The following SPIN1 variants were observed in gnomAD, a reference collection of about 807,000 sequenced individuals.
SPIN1 encodes spindlin 1.
A neutral mutation model predicts 26.0 loss-of-function variants in SPIN1; 3 were observed. The ratio of observed to expected loss-of-function variants is 0.12; its 90% CI spans 0.05 to 0.30. The LOEUF is 0.30. SPIN1 is among the 10% of genes least tolerant of loss of function. SPIN1 has a pLI of 1.00. For missense variants in SPIN1, 126 were observed against 333.4 expected, an observed-to-expected ratio of 0.38 and a Z score of 4.84; for synonymous variants, 101 against 116.5, an observed-to-expected ratio of 0.87 and a Z score of 0.86.
At chr9:88,410,186 T>C (rs1171312231) in intron 1 of SPIN1, among the ~76,000 whole-genome samples, 10 of 139,120 alleles carry the variant, frequency 7.2e-5, no homozygotes, top group African/African-American at 3.3e-4. Flanking sequence ...TGTGTGTGTG[T>C]GTGCAACTTT....
chr9:88,475,070 T>TTTC lies in SPIN1; in HGVS notation c.590-8_590-7insTTC. The TTTC allele has an allele frequency of 7.7e-7, 1 of 1,300,686 alleles. No homozygotes were observed. Among genetic ancestry groups the TTTC allele is most frequent in the South Asian group, 1.7e-5 (1 of 60,248 alleles). The allele number at this position is 1,300,686 out of a possible 1,614,324, so 80.6% of individuals were successfully genotyped here. On this transcript the variant is annotated splice_polypyrimidine_tract_variant and splice_region_variant and intron_variant, in intron 5 of 5. Transcript: ENST00000375859. ...CTCTTTTTTTTTTTTTTTTTTTTTTTAATATAGATGATTCACCTCCAGCAG... is the reference window on the plus strand; with the variant it reads ...CTCTTTTTTTTTTTTTTTTTTTTTTTTTCAATATAGATGATTCACCTCCAGCAG...
intron 5 of SPIN1, among the ~76,000 whole-genome samples, chr9:88,471,336 A>G (rs969526439): frequency 6.6e-6 from 1 of 151,968 alleles, no homozygotes; most frequent in Non-Finnish European, 1.5e-5. Flanking sequence ...TCCAAGCACC[A>G]TATTTTGAAA....
intron 1 of SPIN1, among the ~76,000 whole-genome samples, chr9:88,395,608 T>C (rs1351583526): frequency 6.6e-6 from 1 of 152,086 alleles, no homozygotes; most frequent in Non-Finnish European, 1.5e-5. Context: ...ACATTTTCTT[T>C]TTAAAACTTT....
intron 2 of SPIN1, among the ~76,000 whole-genome samples, chr9:88,436,709 A>C (rs1190540044): frequency 7.1e-6 from 1 of 140,022 alleles, no homozygotes; most frequent in Non-Finnish European, 1.6e-5. Context: ...TTCAGATTGG[A>C]TTCGTTCACT....
Position 88,469,683 on chromosome 9 carries a change from T to TTTTG in SPIN1, c.589+1094_589+1097dup, listed in dbSNP as rs777187657. On this transcript the variant is annotated intron_variant, in intron 5 of 5. Coordinates refer to ENST00000375859, the MANE Select transcript of SPIN1 (RefSeq NM_006717.3). ...GCACCCACCGCCACACCTGGTTAATTTTTGTTTGTTTGTTTGTTTTGTTTT... is the reference window on the plus strand; with the variant it reads ...GCACCCACCGCCACACCTGGTTAATTTTTGTTTGTTTGTTTGTTTGTTTTGTTTT... 8.7e-4 allele frequency among the ~76,000 whole-genome samples: 132 copies of TTTTG among 152,126 alleles called. 1 individual carries two copies. The highest frequency in any genetic ancestry group is 1.7e-3 in the Non-Finnish European group (113 of 67,998).
chr9:88,420,552 A>G (rs948672328), intron 1 of SPIN1, among the ~76,000 whole-genome samples: 1 of 152,230 alleles, frequency 6.6e-6, no homozygotes, highest in Non-Finnish European at 1.5e-5. Flanking sequence ...CACATTTTCC[A>G]TACAAGGTTG....
chr9:88,446,683 C>G (rs990114735), intron 2 of SPIN1, among the ~76,000 whole-genome samples: 1 of 152,192 alleles, frequency 6.6e-6, no homozygotes, highest in Admixed American at 6.5e-5. Context: ...GCTGGGATTA[C>G]AGGCGTGAGC....
chr9:88,450,846 T>G (rs1047057987), intron 3 of SPIN1, among the ~76,000 whole-genome samples: 2 of 152,120 alleles, frequency 1.3e-5, no homozygotes, highest in Admixed American at 6.5e-5. Flanking sequence ...GAATGATGAT[T>G]ATTAATATTT....
intron 1 of SPIN1, among the ~76,000 whole-genome samples, chr9:88,418,304 A>G (rs1039479542): frequency 2.0e-5 from 3 of 152,190 alleles, no homozygotes; most frequent in Non-Finnish European, 2.9e-5. Flanking sequence ...TGGTATTCCT[A>G]GAGTTTTAGG....
chr9:88,429,290 A>G (rs1354817848), intron 2 of SPIN1, among the ~76,000 whole-genome samples: 3 of 152,138 alleles, frequency 2.0e-5, no homozygotes, highest in East Asian at 1.9e-4. Context: ...ATTTCACTTC[A>G]GTCCAATTCT....
chr9:88,433,828 G>T (rs1230722142), intron 2 of SPIN1, among the ~76,000 whole-genome samples: 1 of 152,062 alleles, frequency 6.6e-6, no homozygotes, highest in African/African-American at 2.4e-5. Context: ...AGAAAGATAC[G>T]GTAAGTCCTC....
intron 2 of SPIN1, among the ~76,000 whole-genome samples, chr9:88,433,352 G>A (rs1827923147): frequency 6.6e-6 from 1 of 152,120 alleles, no homozygotes; most frequent in South Asian, 2.1e-4. Flanking sequence ...CTAAGTGCTG[G>A]GACTACAGTC....
At chr9:88,448,299 C>T (rs1828291405) in intron 2 of SPIN1, among the ~76,000 whole-genome samples, 1 of 152,148 alleles carries the variant, frequency 6.6e-6, no homozygotes, top group Non-Finnish European at 1.5e-5. Flanking sequence ...CCGACTTGGC[C>T]TCCCAAAGTA....
chr9:88,389,961 AAT>A (rs59259136), intron 1 of SPIN1, among the ~76,000 whole-genome samples: 14,302 of 152,174 alleles, frequency 0.094, 889 homozygotes, highest in South Asian at 0.19. Context: ...CAAACACCAA[AAT>A]ATTGTAGTAC....
intron 3 of SPIN1, among the ~76,000 whole-genome samples, chr9:88,453,537 CTT>C (rs562608694): frequency 6.2e-5 from 9 of 145,574 alleles, no homozygotes; most frequent in Admixed American, 6.9e-5. Flanking sequence ...GGAATGGTAT[CTT>C]TTTTTTTTTT....
intron 1 of SPIN1, among the ~76,000 whole-genome samples, chr9:88,417,380 C>T (rs2117986860): frequency 6.6e-6 from 1 of 152,328 alleles, no homozygotes; most frequent in Non-Finnish European, 1.5e-5. Flanking sequence ...TTTAACTTCT[C>T]AGAGTATCCA....
At chr9:88,448,190 T>C (rs1040582731) in intron 2 of SPIN1, among the ~76,000 whole-genome samples, 6 of 151,814 alleles carry the variant, frequency 4.0e-5, no homozygotes, top group Middle Eastern at 3.4e-3. Flanking sequence ...ATTACAGGCA[T>C]ACGCCACCAC....
rs182182710 is a variant in SPIN1 at position 88,457,401 on chromosome 9, C to T, written c.102-5095C>T. On this transcript the variant is annotated intron_variant, in intron 3 of 5. Transcript: ENST00000375859. The stretch of plus-strand genomic sequence containing the variant: ...AAAATTAGCCGGGTGTGGTGGTGCA[C>T]ACCTGTAATCCCAGCTACTTAGGGA... Among the ~76,000 whole-genome samples, 13 of 152,106 alleles carry T rather than the reference C, an allele frequency of 8.5e-5. No individual in the cohort carries two copies. The East Asian group carries it at 2.5e-3, about 29-fold the overall frequency.
intron 2 of SPIN1, among the ~76,000 whole-genome samples, chr9:88,432,496 TTTC>T (rs1317689185): frequency 1.3e-5 from 2 of 151,234 alleles, no homozygotes; most frequent in African/African-American, 4.9e-5. Flanking sequence ...TTTTTTTTTT[TTTC>T]TTTGAGACAG....
Sources: gnomAD v4.1 joint callset for allele counts (sites outside exome capture counted in the v4.1 genomes callset) on GRCh38, gnomAD v4.1.1 for gene constraint, MANE v1.5 for transcripts, NCBI Gene and HGNC (gene_info 2026-07-23, HGNC 2026-07-21) for gene names.